The following FAT1 variants were observed in gnomAD, a reference collection of about 807,000 sequenced individuals.
The protein encoded by FAT1 is FAT atypical cadherin 1.
Under a neutral mutation model 329.8 loss-of-function variants are expected in FAT1, and 171 were observed. The observed-to-expected ratio is 0.52, with a 90% CI of 0.46 to 0.59. The LOEUF is 0.59. Ranked by LOEUF, FAT1 falls within the 20% of genes least tolerant of loss-of-function variation. FAT1 has a pLI of 0.00. For synonymous variants in FAT1, 2,233 were observed against 2,228.6 expected (o/e 1.00, Z -0.06); for missense variants, 5,672 against 5,774.4 (o/e 0.98, Z 0.57).
At chr4:186,704,521 G>A (rs1047467154) in intron 2 of FAT1, among the ~76,000 whole-genome samples, 2 of 152,102 alleles carry the variant, frequency 1.3e-5, no homozygotes, top group African/African-American at 4.8e-5. Flanking sequence ...TTTAAATTAA[G>A]GTTTTGGTTC....
At position 186,601,544 on chromosome 4, in the gene FAT1, T is replaced by G. The variant is rs374849552; in HGVS notation, c.11483-118A>C. On this transcript the variant is annotated intron_variant, in intron 20 of 26. Coordinates refer to ENST00000441802, the MANE Select transcript of FAT1 (RefSeq NM_005245.4). ...GGGTTTTATTTAAGATGATAACATTTTACTATCCAATTCTGTGGGAAAACG... is the reference window on the plus strand; with the variant it reads ...GGGTTTTATTTAAGATGATAACATTGTACTATCCAATTCTGTGGGAAAACG... 3 of 736,342 alleles carry G rather than the reference T, an allele frequency of 4.1e-6. No homozygotes were observed. In the African/African-American group the frequency reaches 5.2e-5, roughly 13 times the overall value. 45.6% of individuals were successfully genotyped at this position (736,342 alleles called of 1,614,324 possible).
At chr4:186,715,354 C>T (rs1488077202) in intron 1 of FAT1, among the ~76,000 whole-genome samples, 2 of 152,114 alleles carry the variant, frequency 1.3e-5, no homozygotes, top group Non-Finnish European at 2.9e-5. Context: ...CTGGGACGGA[C>T]TTGTGGACCA....
intron 6 of FAT1, among the ~76,000 whole-genome samples, chr4:186,634,423 G>A (rs757940505): frequency 8.6e-5 from 13 of 151,568 alleles, no homozygotes; most frequent in Non-Finnish European, 1.6e-4. Context: ...CAAATCCATC[G>A]ACCTAGATAT....
At chr4:186,636,517 GA>G (rs1477822548) in intron 5 of FAT1, 67 bp downstream of exon 5, 14 of 1,458,974 alleles carry the variant, frequency 9.6e-6, no homozygotes, top group Middle Eastern at 1.8e-4. Context: ...AGTTACTAAA[GA>G]AAAAATACAA....
At chr4:186,689,750 C>T (rs572549318) in intron 2 of FAT1, among the ~76,000 whole-genome samples, 1 of 152,294 alleles carries the variant, frequency 6.6e-6, no homozygotes, top group Non-Finnish European at 1.5e-5. Flanking sequence ...AACTACTTAA[C>T]TCTTCCACTT....
chr4:186,698,735 G>C (rs1744153746), intron 2 of FAT1, among the ~76,000 whole-genome samples: 1 of 152,222 alleles, frequency 6.6e-6, no homozygotes, highest in Non-Finnish European at 1.5e-5. Context: ...AGAGCAGGGA[G>C]GCCTGTTAGG....
chr4:186,691,844 A>C (rs1021746293), intron 2 of FAT1, among the ~76,000 whole-genome samples: 4 of 152,192 alleles, frequency 2.6e-5, no homozygotes, highest in Admixed American at 2.6e-4. Context: ...AACAGAAACA[A>C]GACGATTCGT....
In FAT1 at chr4:186,628,506, C is replaced by G. The variant is rs749231909; in HGVS notation, c.4581G>C (p.Gln1527His). 1.2e-6 allele frequency: 2 copies of G among 1,613,994 alleles called. No individual in the cohort carries two copies. The highest frequency in any genetic ancestry group is 1.7e-6 in the Non-Finnish European group (2 of 1,179,884). ...SEKLDHEAVHQHTLTVMVRDQ... is the reference protein window; with the variant it reads ...SEKLDHEAVHHHTLTVMVRDQ... ...CGCCTACCATGACCGTGAGGGTGTG[C>G]TGGTGAACAGCTTCATGATCCAGTT... Residue 1527 changes from glutamine to histidine, a missense_variant, in exon 8 of 27, where the codon CAG (glutamine) becomes CAC (histidine). Gln to His is a conservative substitution (Grantham distance 24, BLOSUM62 0). This residue lies in a region of FAT1 where 3,966 missense variants were observed against 3,915.2 expected (regional missense o/e 1.01). Coordinates refer to ENST00000441802, the MANE Select transcript of FAT1 (RefSeq NM_005245.4).
chr4:186,669,675 G>A (rs1254505162), intron 2 of FAT1, among the ~76,000 whole-genome samples: 1 of 152,184 alleles, frequency 6.6e-6, no homozygotes, highest in Non-Finnish European at 1.5e-5. Context: ...ATCCAGTGGA[G>A]AACGAGACTG....
At chr4:186,589,766 A>G (rs1036095204) in intron 26 of FAT1, among the ~76,000 whole-genome samples, 1 of 152,184 alleles carries the variant, frequency 6.6e-6, no homozygotes, top group African/African-American at 2.4e-5. Context: ...TCCTGGCCAC[A>G]AACAATCTTG....
At chr4:186,722,897 A>AAAC (rs1255835515) in intron 1 of FAT1, among the ~76,000 whole-genome samples, 5 of 152,046 alleles carry the variant, frequency 3.3e-5, no homozygotes, top group African/African-American at 1.2e-4. Context: ...GTTCAGACAA[A>AAAC]AAAAAAAACT....
intron 3 of FAT1, among the ~76,000 whole-genome samples, chr4:186,647,244 A>T (rs956097588): frequency 2.6e-5 from 4 of 152,172 alleles, no homozygotes; most frequent in African/African-American, 9.7e-5. Flanking sequence ...AGCCACCACT[A>T]ATTATGTGTT....
At chr4:186,677,730 C>T (rs746648011) in intron 2 of FAT1, among the ~76,000 whole-genome samples, 2 of 152,012 alleles carry the variant, frequency 1.3e-5, no homozygotes, top group South Asian at 4.1e-4. Context: ...TTAATATGCA[C>T]TATTTTATGC....
In FAT1 at chr4:186,628,254, C is replaced by A. The variant is rs2126542343; in HGVS notation, c.4710G>T (p.Arg1570=). ...AGCCAACGGCTGCCGATTCATAAAC[C>A]CGCCCTTTGTAGGAGGAAGCGGTGA... ...PWFTASSYKG[R]VYESAAVGSV... is the part of the protein sequence containing the mutation. The change falls in exon 9 of 27, where the codon CGG becomes CGT. Residue 1570 remains arginine, a synonymous_variant. Transcript: ENST00000441802. The A allele has an allele frequency of 6.2e-7, 1 of 1,613,922 alleles. No homozygotes were observed. The highest frequency in any genetic ancestry group is 8.5e-7 in the Non-Finnish European group (1 of 1,179,886).
chr4:186,679,108 C>T (rs189561326), intron 2 of FAT1, among the ~76,000 whole-genome samples: 39 of 152,182 alleles, frequency 2.6e-4, no homozygotes, highest in African/African-American at 7.5e-4. Flanking sequence ...GGGCTGGGCA[C>T]GGTGGCTCAC....
chr4:186,635,750 G>A (rs1422714773), intron 6 of FAT1, among the ~76,000 whole-genome samples: 2 of 152,094 alleles, frequency 1.3e-5, no homozygotes, highest in Non-Finnish European at 2.9e-5. Flanking sequence ...AAACATTCAA[G>A]GCTTTTGTCT....
At chr4:186,615,212 T>C (rs1739654557) in intron 11 of FAT1, among the ~76,000 whole-genome samples, 1 of 152,034 alleles carries the variant, frequency 6.6e-6, no homozygotes, top group African/African-American at 2.4e-5. Context: ...CAAAGACAGT[T>C]GCTGTAAGAG....
At chr4:186,638,710 A>G (rs1419756646) in intron 4 of FAT1, among the ~76,000 whole-genome samples, 1 of 152,192 alleles carries the variant, frequency 6.6e-6, no homozygotes, top group Non-Finnish European at 1.5e-5. Context: ...ACCAAGGATA[A>G]AATGAAATTA....
chr4:186,634,487 T>C (rs1740737743), intron 6 of FAT1, among the ~76,000 whole-genome samples: 1 of 152,028 alleles, frequency 6.6e-6, no homozygotes, highest in African/African-American at 2.4e-5. Context: ...ATTCTACTAC[T>C]AAATCTAACC....
Sources: allele counts gnomAD v4.1 joint callset (sites outside exome capture counted in the v4.1 genomes callset), GRCh38; gene constraint gnomAD v4.1.1; regional missense constraint gnomAD v4.1.1; transcripts MANE v1.5; gene names NCBI Gene and HGNC (gene_info 2026-07-23, HGNC 2026-07-21).